Variants in LRIG3 observed in about 807,000 individuals in gnomAD.
The protein encoded by LRIG3 is leucine rich repeats and immunoglobulin like domains 3, also known as leucine-rich repeats and immunoglobulin-like domains protein 3.
Under a neutral mutation model 114.5 loss-of-function variants are expected in LRIG3, and 76 were observed. The ratio of observed to expected loss-of-function variants is 0.66; its 90% confidence interval spans 0.55 to 0.80. LRIG3 has a LOEUF of 0.80. Ranked by LOEUF, LRIG3 falls within the 30% of genes least tolerant of loss-of-function variation. The pLI, the probability that LRIG3 is intolerant of heterozygous loss-of-function variation, is 0.00. For synonymous variants in LRIG3, 512 were observed against 519.8 expected, an observed-to-expected ratio of 0.98 and a Z score of 0.20; for missense variants, 1,239 against 1,382.8, an observed-to-expected ratio of 0.90 and a Z score of 1.65.
intron 3 of LRIG3, among the ~76,000 whole-genome samples, chr12:58,893,597 A>G (rs1472905179): frequency 6.6e-6 from 1 of 152,204 alleles, no homozygotes; most frequent in Non-Finnish European, 1.5e-5. Flanking sequence ...AATGCAAGTG[A>G]GACAATTAGT....
intron 3 of LRIG3, 56 bp from the exon 4 acceptor site, chr12:58,890,852 A>G: frequency 6.5e-7 from 1 of 1,532,238 alleles, no homozygotes; most frequent in East Asian, 2.4e-5. Context: ...ATCTGAAAGA[A>G]GAAAAATATT....
intron 15 of LRIG3, 31 bp downstream of exon 15, chr12:58,877,369 G>A (rs199605396): frequency 2.8e-5 from 45 of 1,601,384 alleles, no homozygotes; most frequent in African/African-American, 1.2e-4. Flanking sequence ...ACATGACTCC[G>A]GTGACCTGTG....
chr12:58,901,819 A>G (rs1871858928), intron 3 of LRIG3, among the ~76,000 whole-genome samples: 1 of 152,234 alleles, frequency 6.6e-6, no homozygotes, highest in Non-Finnish European at 1.5e-5. Context: ...CCTAGCAATT[A>G]GAATTAGTCA....
chr12:58,911,219 CT>C (rs933367302), intron 3 of LRIG3, among the ~76,000 whole-genome samples: 20 of 152,114 alleles, frequency 1.3e-4, no homozygotes, highest in African/African-American at 4.6e-4. Context: ...CCCAGATTCC[CT>C]GATATTATGA....
chr12:58,877,953 A>C lies in LRIG3; in HGVS notation c.2084-101T>G, dbSNP rs764353769. 4.5e-5 allele frequency: 53 copies of C among 1,181,928 alleles called. 1 individual carries two copies. Among genetic ancestry groups the C allele is most frequent in the Non-Finnish European group, 6.0e-5 (52 of 859,702 alleles). The allele number at this position is 1,181,928 out of a possible 1,614,324, so 73.2% of individuals were successfully genotyped here. ...TATTCAAATTGTAACCTAAAATTTT[A>C]TTCTCCCACAACTTACTGGACACAC... On this transcript the variant is annotated intron_variant, in intron 14 of 18. Coordinates refer to ENST00000320743, the MANE Select transcript of LRIG3 (RefSeq NM_153377.5).
At chr12:58,890,638 G>C (rs929989106) in intron 4 of LRIG3, 27 bp downstream of exon 4, 3 of 1,545,710 alleles carry the variant, frequency 1.9e-6, no homozygotes, top group Non-Finnish European at 2.6e-6. Flanking sequence ...ACAGGTGAAA[G>C]TTTTTGCTAA....
chr12:58,913,010 G>A (rs564629184), intron 3 of LRIG3, among the ~76,000 whole-genome samples: 4 of 152,232 alleles, frequency 2.6e-5, no homozygotes, highest in Non-Finnish European at 4.4e-5. Flanking sequence ...CAGACACAGC[G>A]GCTGCACCCG....
At position 58,878,202 on chromosome 12, in the gene LRIG3, TAAAAA is replaced by T. The variant is rs556905539; in HGVS notation, c.2084-355_2084-351del. ...TCAAGCACAAGGGTATGTTGATAAA[TAAAAA>T]AAATCAGAATGCTTAAGTTTTTTAA... On this transcript the variant is annotated intron_variant, in intron 14 of 18. Transcript: ENST00000320743. Among the ~76,000 whole-genome samples the T allele has an allele frequency of 2.0e-4, 31 of 152,010 alleles. No individual in the cohort carries two copies. In the South Asian group the frequency reaches 5.8e-3, roughly 28 times the overall value.
intron 12 of LRIG3, 74 bp from the exon 13 acceptor site, chr12:58,880,975 C>T (rs1871110613): frequency 1.4e-6 from 2 of 1,388,826 alleles, no homozygotes; most frequent in African/African-American, 2.9e-5. Context: ...AATTTGAACA[C>T]CAAGAAATGC....
chr12:58,880,683 G>A lies in LRIG3; in HGVS notation c.1699C>T (p.Arg567Trp), dbSNP rs117245609. 9.0e-5 allele frequency: 145 copies of A among 1,614,196 alleles called. No individual in the cohort carries two copies. The highest frequency in any genetic ancestry group is 4.0e-4 in the East Asian group (18 of 44,866). Residue 567 changes from arginine to tryptophan, a missense_variant, in exon 13 of 19, where the codon CGG (arginine) becomes TGG (tryptophan). Transcript: ENST00000320743. ...CTGGCAAATTCCACCTCGCGCAGCC[G>A]AAGGATGGTGGTATACTCCATCACC... ...GEVMEYTTIL[R>W]LREVEFASEG... is the part of the protein sequence containing the mutation.
intron 3 of LRIG3, among the ~76,000 whole-genome samples, chr12:58,906,364 T>C (rs966510406): frequency 2.0e-5 from 3 of 152,176 alleles, no homozygotes; most frequent in Non-Finnish European, 4.4e-5. Flanking sequence ...TTGCCTTCCC[T>C]CTTTGCAACT....
intron 3 of LRIG3, among the ~76,000 whole-genome samples, chr12:58,903,593 T>G (rs1454935722): frequency 2.8e-4 from 42 of 151,960 alleles, no homozygotes; most frequent in Non-Finnish European, 2.9e-4. Flanking sequence ...GTCAATTTTG[T>G]CTTTTGTTGC....
intron 18 of LRIG3, chr12:58,873,807 T>G: frequency 3.7e-6 from 2 of 541,790 alleles, no homozygotes; most frequent in East Asian, 3.2e-5. Context: ...TGTCTTGGAG[T>G]AGATGCCACA....
intron 3 of LRIG3, among the ~76,000 whole-genome samples, chr12:58,903,721 C>T (rs1279166766): frequency 6.6e-6 from 1 of 151,844 alleles, no homozygotes; most frequent in East Asian, 1.9e-4. Context: ...AGTCTTTAAT[C>T]CATCTTGAAT....
chr12:58,880,233 T>C lies in LRIG3; in HGVS notation c.1801+348A>G, dbSNP rs533533140. 14 of 360,732 alleles carry C rather than the reference T, an allele frequency of 3.9e-5. No individual in the cohort carries two copies. The Admixed American group carries it at 5.5e-4, about 14-fold the overall frequency. The allele number at this position is 360,732 out of a possible 1,614,324, so 22.3% of individuals were successfully genotyped here. The stretch of plus-strand genomic sequence containing the variant: ...ATTGCTTGAATCTGGGAGGTGGAGG[T>C]TGCAGTGAGCCAAGATTGCAACCAG... On this transcript the variant is annotated intron_variant, in intron 13 of 18. Coordinates refer to ENST00000320743, the MANE Select transcript of LRIG3 (RefSeq NM_153377.5).
chr12:58,898,223 T>G (rs552089220), intron 3 of LRIG3, among the ~76,000 whole-genome samples: 1 of 152,190 alleles, frequency 6.6e-6, no homozygotes, highest in South Asian at 2.1e-4. Context: ...AGAGAGGAGA[T>G]TTAGATTCTA....
rs527577611 is a variant in LRIG3 at position 58,913,823 on chromosome 12, G to A, written c.383+159C>T. On this transcript the variant is annotated intron_variant, in intron 3 of 18. Transcript: ENST00000320743. ...AAATTTAGCAGTGAGAGAGTTAGAG[G>A]CTAGAAAACAAGTTAACCAATTTAA... The A allele has an allele frequency of 1.9e-5, 11 of 590,768 alleles. No individual in the cohort carries two copies. In the East Asian group the frequency reaches 2.9e-4, roughly 15 times the overall value. The allele number at this position is 590,768 out of a possible 1,614,324, so 36.6% of individuals were successfully genotyped here. A position where few individuals can be genotyped will look rare whatever the true frequency, so the allele number is the denominator to read the frequency against.
intron 3 of LRIG3, among the ~76,000 whole-genome samples, chr12:58,906,579 G>A (rs564775070): frequency 6.6e-6 from 1 of 152,196 alleles, no homozygotes; most frequent in South Asian, 2.1e-4. Context: ...ATATGATGCT[G>A]GGTTCAGTAT....
At chr12:58,886,963 T>C (rs1373530223) in intron 8 of LRIG3, 73 bp from the exon 9 acceptor site, 2 of 1,137,804 alleles carry the variant, frequency 1.8e-6, no homozygotes, top group African/African-American at 3.2e-5. Context: ...AGGTGGCATA[T>C]CATTTGTAAA....
Sources: allele counts gnomAD v4.1 joint callset (sites outside exome capture counted in the v4.1 genomes callset), GRCh38; gene constraint gnomAD v4.1.1; transcripts MANE v1.5; gene names NCBI Gene and HGNC (gene_info 2026-07-23, HGNC 2026-07-21).